Variants in COL19A1 observed in about 807,000 individuals in gnomAD.
COL19A1 encodes the protein collagen alpha-1(XIX) chain.
A neutral mutation model predicts 190.2 loss-of-function variants in COL19A1; 159 were observed. The observed-to-expected ratio is 0.84, with a 90% CI of 0.73 to 0.95. COL19A1 has a LOEUF of 0.95. COL19A1 is among the 40% of genes least tolerant of loss of function. The pLI is 0.00. For synonymous variants in COL19A1, 509 were observed against 458.9 expected (o/e 1.11, Z -1.39); for missense variants, 1,418 against 1,431.9 (o/e 0.99, Z 0.16).
chr6:70,039,614 C>A (rs1779532704), intron 14 of COL19A1, among the ~76,000 whole-genome samples: 1 of 152,154 alleles, frequency 6.6e-6, no homozygotes, highest in Non-Finnish European at 1.5e-5. Flanking sequence ...CACTTTTTCC[C>A]CCTCTAAGCC....
intron 14 of COL19A1, among the ~76,000 whole-genome samples, chr6:70,050,246 T>C (rs979193689): frequency 6.6e-6 from 1 of 152,116 alleles, no homozygotes; most frequent in African/African-American, 2.4e-5. Context: ...TATTGTTAGT[T>C]AATATGCTAA....
chr6:70,097,412 T>A (rs965925202), intron 15 of COL19A1, among the ~76,000 whole-genome samples: 2 of 152,100 alleles, frequency 1.3e-5, no homozygotes, highest in African/African-American at 4.8e-5. Context: ...CCACTGTATG[T>A]TTGTACCACA....
intron 11 of COL19A1, among the ~76,000 whole-genome samples, chr6:70,016,385 CA>C (rs1778098090): frequency 1.2e-5 from 1 of 85,980 alleles, no homozygotes; most frequent in Admixed American, 1.1e-4. Flanking sequence ...AAAAAAAAAA[CA>C]CATGAAAAAA....
rs1157126621 is a variant in COL19A1 at position 70,210,097 on chromosome 6, C to G, written c.*2823C>G. On this transcript the variant is annotated 3_prime_UTR_variant, in exon 51 of 51. Transcript: ENST00000620364. ...GAATTATTCAATTTCATGAATAACT[C>G]TTGTTTGCACTCCAGAAAACAACAT... 6.6e-6 allele frequency: 1 copy of G among 152,086 alleles called. No homozygotes were observed. Among genetic ancestry groups the G allele is most frequent in the Non-Finnish European group, 1.5e-5 (1 of 67,990 alleles). 9.4% of individuals were successfully genotyped at this position (152,086 alleles called of 1,614,324 possible).
intron 9 of COL19A1, among the ~76,000 whole-genome samples, chr6:69,945,540 G>A (rs752724139): frequency 4.2e-4 from 64 of 151,978 alleles, no homozygotes; most frequent in Non-Finnish European, 7.6e-4. Flanking sequence ...CCTTCTCTTA[G>A]TAATAACTTT....
At chr6:70,200,766 G>A (rs1350375695) in intron 49 of COL19A1, among the ~76,000 whole-genome samples, 1 of 152,162 alleles carries the variant, frequency 6.6e-6, no homozygotes, top group African/African-American at 2.4e-5. Flanking sequence ...AGCAACATCT[G>A]TTCAGTTCCC....
At chr6:70,006,931 CA>C (rs1038981257) in intron 11 of COL19A1, among the ~76,000 whole-genome samples, 2 of 151,168 alleles carry the variant, frequency 1.3e-5, no homozygotes, top group African/African-American at 4.9e-5. Flanking sequence ...TTAAAAATTT[CA>C]AAAAAAGCTA....
chr6:69,870,814 G>A (rs1206314737), intron 1 of COL19A1, among the ~76,000 whole-genome samples: 1 of 152,180 alleles, frequency 6.6e-6, no homozygotes, highest in Non-Finnish European at 1.5e-5. Flanking sequence ...ATTAGGAATG[G>A]TAAAAACGTG....
Position 69,921,249 on chromosome 6 carries a change from CAT to C in COL19A1, c.267-6655_267-6654del, listed in dbSNP as rs955104820. ...ATATGTATTATATATCCATATATGT[CAT>C]ATATCATATCATATATCATATATAT... On this transcript the variant is annotated intron_variant, in intron 4 of 50. Coordinates refer to ENST00000620364, the MANE Select transcript of COL19A1 (RefSeq NM_001858.6). Among the ~76,000 whole-genome samples the C allele has an allele frequency of 2.6e-4, 33 of 129,028 alleles. 1 individual carries two copies. The South Asian group carries it at 7.1e-3, about 28-fold the overall frequency. The allele number at this position is 129,028 out of a possible 152,430, so 84.6% of individuals were successfully genotyped here. A position where few individuals can be genotyped will look rare whatever the true frequency, so the allele number is the denominator to read the frequency against.
At chr6:70,009,346 C>T (rs542373045) in intron 11 of COL19A1, among the ~76,000 whole-genome samples, 2 of 152,086 alleles carry the variant, frequency 1.3e-5, no homozygotes, top group African/African-American at 2.4e-5. Flanking sequence ...TATTTGATTT[C>T]CGTATACAAG....
intron 2 of COL19A1, chr6:69,891,344 C>A (rs1224627627): frequency 6.6e-6 from 1 of 152,532 alleles, no homozygotes; most frequent in Non-Finnish European, 1.5e-5. Context: ...TCTGAGGGGA[C>A]CTTCCCATAG....
intron 11 of COL19A1, among the ~76,000 whole-genome samples, chr6:70,008,822 C>A (rs866049072): frequency 6.6e-6 from 1 of 151,676 alleles, no homozygotes; most frequent in Non-Finnish European, 1.5e-5. Context: ...CAAACTGAAT[C>A]CAATAACATA....
intron 15 of COL19A1, among the ~76,000 whole-genome samples, chr6:70,070,182 G>C (rs1781463352): frequency 1.3e-5 from 2 of 152,074 alleles, no homozygotes; most frequent in South Asian, 4.1e-4. Flanking sequence ...ATATTTAAAT[G>C]AGGCTTTTTA....
At chr6:69,874,172 C>T (rs954438196) in intron 1 of COL19A1, among the ~76,000 whole-genome samples, 2 of 152,024 alleles carry the variant, frequency 1.3e-5, no homozygotes, top group African/African-American at 4.8e-5. Flanking sequence ...CAAGAAGAAG[C>T]CTGAGAACCG....
At chr6:70,051,128 A>G (rs888467296) in intron 14 of COL19A1, among the ~76,000 whole-genome samples, 2 of 152,112 alleles carry the variant, frequency 1.3e-5, no homozygotes, top group East Asian at 1.9e-4. Flanking sequence ...TTAGCTGTAT[A>G]CCATCTAATA....
At chr6:69,886,343 G>C (rs938185784) in intron 2 of COL19A1, among the ~76,000 whole-genome samples, 1 of 152,162 alleles carries the variant, frequency 6.6e-6, no homozygotes, top group Non-Finnish European at 1.5e-5. Context: ...AACGTGGCAA[G>C]GATATGGAGA....
intron 9 of COL19A1, among the ~76,000 whole-genome samples, chr6:69,949,930 A>T (rs1774029095): frequency 6.6e-6 from 1 of 151,894 alleles, no homozygotes; most frequent in African/African-American, 2.4e-5. Flanking sequence ...CAGGTCTAAT[A>T]TTCTCAAAGT....
intron 14 of COL19A1, among the ~76,000 whole-genome samples, chr6:70,066,340 A>G (rs1229476592): frequency 6.6e-6 from 1 of 152,146 alleles, no homozygotes; most frequent in Admixed American, 6.5e-5. Context: ...TCAGCAAACT[A>G]TCACAAGGAC....
intron 12 of COL19A1, among the ~76,000 whole-genome samples, chr6:70,026,345 G>T (rs1265112958): frequency 6.6e-6 from 1 of 152,178 alleles, no homozygotes; most frequent in Non-Finnish European, 1.5e-5. Context: ...CTTACTGAGA[G>T]ATCCCAAAGG....
Sources: gnomAD v4.1 joint callset for allele counts (sites outside exome capture counted in the v4.1 genomes callset) on GRCh38, gnomAD v4.1.1 for gene constraint, MANE v1.5 for transcripts, NCBI Gene and HGNC (gene_info 2026-07-23, HGNC 2026-07-21) for gene names.